The following KLF17 variants were observed in gnomAD, a reference collection of about 807,000 sequenced individuals.
The protein encoded by KLF17 is Krueppel-like factor 17.
Under a neutral mutation model 34.2 loss-of-function variants are expected in KLF17, and 31 were observed. The ratio of observed to expected loss-of-function variants is 0.91; its 90% CI spans 0.68 to 1.22. KLF17 has a LOEUF of 1.22. KLF17 is among the 50% of genes most tolerant of loss of function. The pLI is 0.00. For missense variants in KLF17, 478 were observed against 505.2 expected, an observed-to-expected ratio of 0.95 and a Z score of 0.52; for synonymous variants, 179 against 186.7, an observed-to-expected ratio of 0.96 and a Z score of 0.34.
the KLF17 span, among the ~76,000 whole-genome samples, chr1:44,052,585 T>C: frequency 1.3e-5 from 2 of 152,364 alleles, no homozygotes; most frequent in African/African-American, 4.8e-5. Context: ...GCCAACATTC[T>C]GTTTCCCATT....
chr1:44,107,636 T>A, the KLF17 span, among the ~76,000 whole-genome samples: 1 of 152,202 alleles, frequency 6.6e-6, no homozygotes, highest in African/African-American at 2.4e-5. Context: ...GCATTTCCAC[T>A]CTGTCTATGC....
the KLF17 span, among the ~76,000 whole-genome samples, chr1:44,094,660 A>T: frequency 6.6e-6 from 1 of 152,096 alleles, no homozygotes; most frequent in African/African-American, 2.4e-5. Context: ...TAAATGCATT[A>T]ATTTTATTTC....
the KLF17 span, among the ~76,000 whole-genome samples, chr1:44,090,934 G>GCA: frequency 0.016 from 2,286 of 141,314 alleles, 51 homozygotes; most frequent in African/African-American, 0.054. Flanking sequence ...ACATGCACAC[G>GCA]CACACACACA....
At chr1:44,060,062 C>A in the KLF17 span, among the ~76,000 whole-genome samples, 4 of 151,846 alleles carry the variant, frequency 2.6e-5, no homozygotes, top group African/African-American at 9.7e-5. Flanking sequence ...GTTTGTGTAC[C>A]CCCCCAGGCT....
intron 2 of KLF17, 97 bp downstream of exon 2, chr1:44,130,293 A>G: frequency 5.3e-6 from 8 of 1,515,844 alleles, no homozygotes; most frequent in Non-Finnish European, 7.1e-6. Flanking sequence ...TGAGCCTTTC[A>G]TCTTCCAAGC....
chr1:44,066,428 G>A, the KLF17 span, among the ~76,000 whole-genome samples: 80 of 120,658 alleles, frequency 6.6e-4, no homozygotes, highest in Admixed American at 3.9e-3. Flanking sequence ...GTCTTGATAT[G>A]TTGCCTAGGC....
chr1:44,116,447 TTTCTCCTTTGGTGCATCCCCATCAGCCTA>T (rs1488924561), upstream of KLF17, among the ~76,000 whole-genome samples: 1 of 152,176 alleles, frequency 6.6e-6, no homozygotes, highest in Non-Finnish European at 1.5e-5. Context: ...TCTATATCAG[TTTCTCCTTTGGTGCATCCCCATCAGCCTA>T]TAACATGCCC....
the KLF17 span, among the ~76,000 whole-genome samples, chr1:44,080,411 T>C: frequency 4.3e-3 from 658 of 151,546 alleles, 1 homozygote; most frequent in Middle Eastern, 0.01. Context: ...GCTAATTTTT[T>C]ATATTTTTAG....
At chr1:44,092,926 G>T in the KLF17 span, among the ~76,000 whole-genome samples, 1 of 151,914 alleles carries the variant, frequency 6.6e-6, no homozygotes, top group African/African-American at 2.4e-5. Flanking sequence ...AAAATTAAAA[G>T]CAAATGGGCA....
At chr1:44,079,967 C>T in the KLF17 span, among the ~76,000 whole-genome samples, 3 of 151,092 alleles carry the variant, frequency 2.0e-5, no homozygotes, top group Non-Finnish European at 4.4e-5. Flanking sequence ...CTCACTCTGT[C>T]GCCCAGGCTG....
At chr1:44,094,182 A>G in the KLF17 span, among the ~76,000 whole-genome samples, 1 of 107,590 alleles carries the variant, frequency 9.3e-6, no homozygotes, top group Non-Finnish European at 1.9e-5. Flanking sequence ...CATTTTAAAC[A>G]CAGGTTATTT....
At chr1:44,056,071 C>A in the KLF17 span, among the ~76,000 whole-genome samples, 4 of 152,162 alleles carry the variant, frequency 2.6e-5, no homozygotes, top group Non-Finnish European at 5.9e-5. Flanking sequence ...ACTCTCATGC[C>A]GCATCTCAGC....
chr1:44,103,934 C>T, the KLF17 span: 2 of 852,226 alleles, frequency 2.3e-6, no homozygotes, highest in Non-Finnish European at 4.1e-6. Context: ...TGATCTGGTA[C>T]ATGCTCTCAG....
chr1:44,056,039 G>A, the KLF17 span, among the ~76,000 whole-genome samples: 1 of 152,074 alleles, frequency 6.6e-6, no homozygotes, highest in South Asian at 2.1e-4. Flanking sequence ...GTACATTTTT[G>A]CTTTTAAATG....
intron 1 of KLF17, chr1:44,122,322 T>C: frequency 1.3e-6 from 2 of 1,599,452 alleles, no homozygotes; most frequent in South Asian, 1.1e-5. Flanking sequence ...ATACCGAATG[T>C]TATTTCCTCG....
chr1:44,067,556 A>T, the KLF17 span, among the ~76,000 whole-genome samples: 1 of 152,180 alleles, frequency 6.6e-6, no homozygotes, highest in African/African-American at 2.4e-5. Flanking sequence ...AAGTGTGTGG[A>T]TACTGTCTTC....
the KLF17 span, among the ~76,000 whole-genome samples, chr1:44,097,306 C>T: frequency 6.6e-6 from 1 of 152,004 alleles, no homozygotes; most frequent in Non-Finnish European, 1.5e-5. Flanking sequence ...TGTGATGCCT[C>T]CAGCTTTGTT....
the KLF17 span, chr1:44,044,967 T>C: frequency 6.6e-6 from 1 of 152,162 alleles, no homozygotes; most frequent in Non-Finnish European, 1.5e-5. Flanking sequence ...GTCATGTCAG[T>C]TTAATGGTAT....
the KLF17 span, chr1:44,103,504 G>C: frequency 9.0e-7 from 1 of 1,107,828 alleles, no homozygotes; most frequent in Non-Finnish European, 1.4e-6. Context: ...GCCGAGCTCA[G>C]CGCACCTGCA....
Sources: gnomAD v4.1 joint callset for allele counts (sites outside exome capture counted in the v4.1 genomes callset) on GRCh38, gnomAD v4.1.1 for gene constraint, MANE v1.5 for transcripts, NCBI Gene and HGNC (gene_info 2026-07-23, HGNC 2026-07-21) for gene names.